Variants in NAV3 observed in about 807,000 individuals in gnomAD.
NAV3 encodes the protein neuron navigator 3.
Under a neutral mutation model 244.7 loss-of-function variants are expected in NAV3, and 87 were observed. The observed-to-expected ratio is 0.36, with a 90% CI of 0.30 to 0.42. NAV3 has a LOEUF of 0.42. Among genes scored for constraint, NAV3 ranks in the 20% least tolerant of loss-of-function variants. NAV3 has a pLI of 1.00. For synonymous variants in NAV3, 1,126 were observed against 1,042.2 expected, an observed-to-expected ratio of 1.08 and a Z score of -1.55; for missense variants, 2,663 against 2,893.3, an observed-to-expected ratio of 0.92 and a Z score of 1.83.
chr12:77,832,121 C>G (rs906061518), intron 1 of NAV3, among the ~76,000 whole-genome samples: 1 of 152,170 alleles, frequency 6.6e-6, no homozygotes, highest in Non-Finnish European at 1.5e-5. Flanking sequence ...TCACTTTTCT[C>G]TAAATGTCAT....
At chr12:78,151,466 A>G (rs1368894130) in intron 22 of NAV3, among the ~76,000 whole-genome samples, 2 of 152,082 alleles carry the variant, frequency 1.3e-5, no homozygotes, top group Non-Finnish European at 2.9e-5. Context: ...AGAAATGACT[A>G]TTGATACGTG....
At chr12:77,777,420 TA>T (rs1870419994) in intron 2 of NAV3, among the ~76,000 whole-genome samples, 1 of 152,202 alleles carries the variant, frequency 6.6e-6, no homozygotes, top group Non-Finnish European at 1.5e-5. Context: ...TGTGACATGT[TA>T]GGCTACTATT....
At chr12:77,959,535 C>T (rs1055756297) in intron 3 of NAV3, among the ~76,000 whole-genome samples, 1 of 151,960 alleles carries the variant, frequency 6.6e-6, no homozygotes, top group African/African-American at 2.4e-5. Context: ...CTACTATGTA[C>T]ATTGTATTGT....
chr12:77,605,398 A>G (rs1283997178), intron 2 of NAV3, among the ~76,000 whole-genome samples: 2 of 152,112 alleles, frequency 1.3e-5, no homozygotes, highest in Non-Finnish European at 2.9e-5. Flanking sequence ...CCAATTGGTT[A>G]TCATTATATT....
At chr12:77,855,680 T>C (rs1565860511) in intron 1 of NAV3, among the ~76,000 whole-genome samples, 1 of 152,200 alleles carries the variant, frequency 6.6e-6, no homozygotes, top group Non-Finnish European at 1.5e-5. Flanking sequence ...CTTTCCCACT[T>C]GCTGCTCGTG....
intron 2 of NAV3, among the ~76,000 whole-genome samples, chr12:77,795,232 C>T (rs1297316538): frequency 6.6e-6 from 1 of 152,128 alleles, no homozygotes; most frequent in East Asian, 1.9e-4. Flanking sequence ...GAAAACTTTG[C>T]TGGTCTAGAT....
chr12:78,131,967 A>C (rs1444158578), intron 18 of NAV3, among the ~76,000 whole-genome samples: 2 of 152,352 alleles, frequency 1.3e-5, no homozygotes, highest in East Asian at 3.9e-4. Context: ...TGTAAAAGAC[A>C]TTCACAGATT....
intron 2 of NAV3, among the ~76,000 whole-genome samples, chr12:77,654,793 C>T (rs529205859): frequency 1.0e-3 from 157 of 149,698 alleles, no homozygotes; most frequent in African/African-American, 3.6e-3. Flanking sequence ...AGCATATTCG[C>T]GGTTCATGAA....
Position 78,144,937 on chromosome 12 carries a change from AAAAAAAAAAAG to A in NAV3, c.4684-1428_4684-1418del, listed in dbSNP as rs1159230782. On this transcript the variant is annotated intron_variant, in intron 20 of 39. Transcript: ENST00000397909. The stretch of plus-strand genomic sequence containing the variant: ...CAAAAAAAAAAAAAAAAAAAAAAAA[AAAAAAAAAAAG>A]AAAGAAAGAAAGAAAAACAACAACA... 81 of 73,596 alleles carry A rather than the reference AAAAAAAAAAAG, an allele frequency of 1.1e-3. 2 individuals carry two copies. The highest frequency in any genetic ancestry group is 3.6e-3 in the African/African-American group (67 of 18,492). 4.6% of individuals were successfully genotyped at this position (73,596 alleles called of 1,614,324 possible).
chr12:78,187,573 A>T (rs961370864), intron 31 of NAV3, among the ~76,000 whole-genome samples: 3 of 151,864 alleles, frequency 2.0e-5, no homozygotes, highest in African/African-American at 4.8e-5. Context: ...AAAAAGATAG[A>T]TTTGGAACCA....
Position 78,006,596 on chromosome 12 carries a change from C to G in NAV3, c.1058C>G (p.Ser353Ter), listed in dbSNP as rs1176997853. The G allele has an allele frequency of 6.2e-7, 1 of 1,614,062 alleles. No homozygotes were observed. Among genetic ancestry groups the G allele is most frequent in the Non-Finnish European group, 8.5e-7 (1 of 1,180,026 alleles). ...ATSTMLTVKQ[S>*]STATSPTPSS... ...TCCACCATGTTGACTGTAAAGCAGT[C>G]AAGTACAGCCACCTCCCCCACACCA... is the stretch of plus-strand genomic sequence containing the variant. Residue 353 changes from serine to a stop codon, truncating the protein, a stop_gained, in exon 8 of 40, where the codon TCA (serine) becomes TGA (stop). Transcript: ENST00000397909. LOFTEE classifies it high-confidence loss of function.
chr12:77,968,734 ATTAG>A, intron 5 of NAV3, 32 bp downstream of exon 5: 4 of 1,597,102 alleles, frequency 2.5e-6, no homozygotes, highest in Non-Finnish European at 3.4e-6. Context: ...TGTGTTTCCA[ATTAG>A]TTTGTGTAGA....
intron 7 of NAV3, among the ~76,000 whole-genome samples, chr12:78,000,513 T>C (rs1263188789): frequency 1.4e-5 from 2 of 144,008 alleles, no homozygotes; most frequent in South Asian, 2.3e-4. Context: ...TTTTTTTTTT[T>C]TTTTTTTTGA....
At chr12:77,866,158 G>T (rs937876603) in intron 1 of NAV3, among the ~76,000 whole-genome samples, 1 of 152,018 alleles carries the variant, frequency 6.6e-6, no homozygotes. Flanking sequence ...AATAATTCTT[G>T]AATGCATCTA....
intron 9 of NAV3, among the ~76,000 whole-genome samples, chr12:78,029,442 A>C (rs1313522146): frequency 1.3e-5 from 2 of 152,224 alleles, no homozygotes; most frequent in African/African-American, 4.8e-5. Flanking sequence ...GTGTACATTC[A>C]TTACAGAACA....
Position 78,204,918 on chromosome 12 carries a change from G to T in NAV3, c.6835-17G>T, listed in dbSNP as rs185170962. On this transcript the variant is annotated splice_polypyrimidine_tract_variant and intron_variant, in intron 38 of 39. Coordinates refer to ENST00000397909, the MANE Select transcript of NAV3 (RefSeq NM_001024383.2). ...AATGCATTTTATATATATCCTAAACGCGTGGTCAACTTTTAGATGTATGGG... is the reference window on the plus strand; with the variant it reads ...AATGCATTTTATATATATCCTAAACTCGTGGTCAACTTTTAGATGTATGGG... 1.9e-6 allele frequency: 3 copies of T among 1,611,326 alleles called. No individual in the cohort carries two copies. The highest frequency in any genetic ancestry group is 2.2e-5 in the South Asian group (2 of 90,964).
intron 3 of NAV3, among the ~76,000 whole-genome samples, chr12:77,956,390 C>T (rs2137745327): frequency 6.6e-6 from 1 of 152,266 alleles, no homozygotes; most frequent in Non-Finnish European, 1.5e-5. Flanking sequence ...TAGACATTCT[C>T]TATGTATGAT....
intron 2 of NAV3, among the ~76,000 whole-genome samples, chr12:77,628,307 C>A (rs1437644431): frequency 6.6e-6 from 1 of 151,940 alleles, no homozygotes; most frequent in Non-Finnish European, 1.5e-5. Context: ...TATTTTAACA[C>A]CCCAAAATAT....
intron 2 of NAV3, among the ~76,000 whole-genome samples, chr12:77,596,067 A>G (rs558993640): frequency 9.2e-4 from 140 of 152,276 alleles, no homozygotes; most frequent in Non-Finnish European, 1.4e-3. Context: ...GCAATGTGTC[A>G]TTTTAGTCAG....
Sources: gnomAD v4.1 joint callset for allele counts (sites outside exome capture counted in the v4.1 genomes callset) on GRCh38, gnomAD v4.1.1 for gene constraint, MANE v1.5 for transcripts, NCBI Gene and HGNC (gene_info 2026-07-23, HGNC 2026-07-21) for gene names.